FAM193A: variants seen among roughly 807,000 people sequenced by gnomAD.
FAM193A encodes family with sequence similarity 193 member A.
A neutral mutation model predicts 126.5 loss-of-function variants in FAM193A; 22 were observed. That is an observed-to-expected ratio of 0.17 (90% confidence interval 0.12 to 0.25). The LOEUF is 0.25. Ranked by LOEUF, FAM193A falls within the 10% of genes least tolerant of loss-of-function variation. The pLI is 1.00. For missense variants in FAM193A, 1,675 were observed against 1,672.8 expected, an observed-to-expected ratio of 1.00 and a Z score of -0.02; for synonymous variants, 761 against 646.8, an observed-to-expected ratio of 1.18 and a Z score of -2.68.
In FAM193A at chr4:2,699,982, A is replaced by G. The variant is rs751302992; in HGVS notation, c.3810A>G (p.Pro1270=). The G allele has an allele frequency of 2.5e-6, 4 of 1,614,090 alleles. No individual in the cohort carries two copies. The highest frequency in any genetic ancestry group is 3.4e-6 in the Non-Finnish European group (4 of 1,180,018). Residue 1270 remains proline (P), a synonymous_variant, in exon 19 of 21, where the codon CCA becomes CCG. Transcript: ENST00000637812. ...HNGSLEQTEE[P]ETSSHSPSRH... is the part of the protein sequence containing the mutation. ...GCTCACTAGAGCAAACTGAAGAACCAGAAACCTCTTCTCACTCCCCATCCA... is the reference window on the plus strand; with the variant it reads ...GCTCACTAGAGCAAACTGAAGAACCGGAAACCTCTTCTCACTCCCCATCCA...
At chr4:2,691,300 C>T (rs1019558142) in intron 15 of FAM193A, among the ~76,000 whole-genome samples, 3 of 152,218 alleles carry the variant, frequency 2.0e-5, no homozygotes, top group African/African-American at 7.2e-5. Flanking sequence ...ATTACAGCCT[C>T]TGCCTCTTGG....
chr4:2,545,089 TTCAAGTGATTC>T (rs900826661), intron 1 of FAM193A, among the ~76,000 whole-genome samples: 88 of 152,092 alleles, frequency 5.8e-4, no homozygotes, highest in African/African-American at 2.1e-3. Context: ...GCCTCCTGGG[TTCAAGTGATTC>T]TCCTGCCTCA....
chr4:2,690,571 C>A, intron 14 of FAM193A, 127 bp from the exon 15 acceptor site: 1 of 813,426 alleles, frequency 1.2e-6, no homozygotes, highest in Non-Finnish European at 2.0e-6. Flanking sequence ...GACTTAGTGT[C>A]ATCCCAGTGG....
intron 8 of FAM193A, among the ~76,000 whole-genome samples, chr4:2,658,565 C>A (rs189785220): frequency 6.6e-6 from 1 of 152,278 alleles, no homozygotes; most frequent in Admixed American, 6.5e-5. Flanking sequence ...TCTCCATCTC[C>A]TTTACGAACT....
intron 7 of FAM193A, among the ~76,000 whole-genome samples, chr4:2,651,866 G>A (rs1027452675): frequency 7.2e-5 from 11 of 152,288 alleles, no homozygotes; most frequent in East Asian, 1.9e-4. Context: ...CATTCAGCTC[G>A]TCCCAGACAG....
intron 1 of FAM193A, among the ~76,000 whole-genome samples, chr4:2,538,981 C>T (rs896993595): frequency 1.3e-5 from 2 of 152,060 alleles, no homozygotes; most frequent in Non-Finnish European, 2.9e-5. Flanking sequence ...ACCTCTGTCT[C>T]CCGGGTTCAA....
chr4:2,655,960 A>C (rs1447063370), intron 7 of FAM193A, among the ~76,000 whole-genome samples: 1 of 151,918 alleles, frequency 6.6e-6, no homozygotes, highest in African/African-American at 2.4e-5. Flanking sequence ...AACAAATGAA[A>C]TTTTTTGTAG....
chr4:2,576,416 A>G (rs1469081798), intron 1 of FAM193A, among the ~76,000 whole-genome samples: 1 of 152,212 alleles, frequency 6.6e-6, no homozygotes, highest in Non-Finnish European at 1.5e-5. Context: ...TATTAACATT[A>G]GAGCGGGATG....
At chr4:2,558,230 C>A (rs1412100483) in intron 1 of FAM193A, among the ~76,000 whole-genome samples, 1 of 148,716 alleles carries the variant, frequency 6.7e-6, no homozygotes, top group Non-Finnish European at 1.5e-5. Context: ...GATCGTGCTA[C>A]TGTATTTCAT....
intron 2 of FAM193A, among the ~76,000 whole-genome samples, chr4:2,609,309 T>C (rs1207683596): frequency 6.6e-6 from 1 of 152,114 alleles, no homozygotes; most frequent in African/African-American, 2.4e-5. Context: ...ACAAAAATAG[T>C]TTTAGTCTGG....
intron 13 of FAM193A, among the ~76,000 whole-genome samples, chr4:2,681,558 C>T (rs544815208): frequency 6.6e-6 from 1 of 152,260 alleles, no homozygotes; most frequent in South Asian, 2.1e-4. Flanking sequence ...TCAAGCAATC[C>T]TCCTGACCCA....
chr4:2,706,326 C>T (rs1467384819), intron 19 of FAM193A, among the ~76,000 whole-genome samples: 8 of 95,482 alleles, frequency 8.4e-5, no homozygotes, highest in South Asian at 6.8e-4. Context: ...GACAGAGTTT[C>T]ACTCTTGTTG....
chr4:2,677,743 A>G (rs564218959), intron 13 of FAM193A, among the ~76,000 whole-genome samples: 2,515 of 146,134 alleles, frequency 0.017, 52 homozygotes, highest in African/African-American at 0.049. Context: ...CACTGTCTCA[A>G]AAAAAAAAAA....
Position 2,700,304 on chromosome 4 carries a change from G to T in FAM193A, c.4132G>T (p.Val1378Phe). Residue 1378 changes from valine (V) to phenylalanine (F), a missense_variant, in exon 19 of 21, where the codon GTC becomes TTC. By Grantham distance (50) the Val-to-Phe change is conservative (BLOSUM62 -1). Transcript: ENST00000637812. ...RAQTESKAKV[V>F]DLMSITEQKR... ...CCAGACTGAGTCAAAGGCTAAGGTG[G>T]TCGACCTCATGTCCATCACAGAGCA... 1 of 1,614,044 alleles carries T rather than the reference G, an allele frequency of 6.2e-7. No individual in the cohort carries two copies. Among genetic ancestry groups the T allele is most frequent in the Non-Finnish European group, 8.5e-7 (1 of 1,180,018 alleles).
chr4:2,623,352 A>G (rs571239482), intron 2 of FAM193A, among the ~76,000 whole-genome samples: 31 of 152,042 alleles, frequency 2.0e-4, no homozygotes, highest in Non-Finnish European at 2.9e-4. Flanking sequence ...GTGCTTTTTT[A>G]GTAGAGACAG....
chr4:2,693,937 A>G, intron 16 of FAM193A, 63 bp downstream of exon 16: 1 of 1,511,334 alleles, frequency 6.6e-7, no homozygotes, highest in Non-Finnish European at 9.1e-7. Context: ...TGCCTCACTA[A>G]CACAGCTACA....
intron 13 of FAM193A, among the ~76,000 whole-genome samples, chr4:2,673,238 A>G (rs1435418568): frequency 6.6e-6 from 1 of 152,138 alleles, no homozygotes; most frequent in Non-Finnish European, 1.5e-5. Context: ...TTCAAACCCT[A>G]ATTTATTATT....
At chr4:2,721,967 C>G (rs1237126398) in intron 20 of FAM193A, among the ~76,000 whole-genome samples, 1 of 152,178 alleles carries the variant, frequency 6.6e-6, no homozygotes, top group East Asian at 1.9e-4. Flanking sequence ...AGCTGTAAGA[C>G]CATGTACATA....
rs1382707691 is a variant in FAM193A, at chr4:2,732,245, T to C, written c.*377T>C. ...TGTGTCCTCACCGGGGTATCGGCCG[T>C]CACTCAGCTCTCCTGTGCCCCTGCG... On this transcript the variant is annotated 3_prime_UTR_variant, in exon 21 of 21. Transcript: ENST00000637812. The C allele has an allele frequency of 8.0e-6, 2 of 249,152 alleles. No individual in the cohort carries two copies. The highest frequency in any genetic ancestry group is 1.6e-5 in the Non-Finnish European group (2 of 124,566). 15.4% of individuals were successfully genotyped at this position (249,152 alleles called of 1,614,324 possible).
Sources: gnomAD v4.1 joint callset for allele counts (sites outside exome capture counted in the v4.1 genomes callset) on GRCh38, gnomAD v4.1.1 for gene constraint, MANE v1.5 for transcripts, NCBI Gene and HGNC (gene_info 2026-07-23, HGNC 2026-07-21) for gene names.